Variants in PPP2R2B observed in about 807,000 individuals in gnomAD.
PPP2R2B encodes protein phosphatase 2 regulatory subunit Bbeta.
Under a neutral mutation model 46.0 loss-of-function variants are expected in PPP2R2B, and 5 were observed. The ratio of observed to expected loss-of-function variants is 0.11; its 90% CI spans 0.06 to 0.23. The LOEUF (loss-of-function observed/expected upper bound fraction) is 0.23, where lower values mean the gene tolerates loss of function less well. PPP2R2B is among the 10% of genes least tolerant of loss of function. PPP2R2B has a pLI of 1.00. For synonymous variants in PPP2R2B, 215 were observed against 206.7 expected, an observed-to-expected ratio of 1.04 and a Z score of -0.34; for missense variants, 367 against 575.0, an observed-to-expected ratio of 0.64 and a Z score of 3.70.
intron 1 of PPP2R2B, among the ~76,000 whole-genome samples, chr5:146,943,258 GA>G (rs1764378942): frequency 6.6e-6 from 1 of 152,094 alleles, no homozygotes; most frequent in Non-Finnish European, 1.5e-5. Flanking sequence ...CATTGTTTGG[GA>G]ATGTGAATGG....
At position 146,692,679 on chromosome 5, in the gene PPP2R2B, A is replaced by C. The variant is rs529009499; in HGVS notation, c.335-1439T>G. ...CTCCTGAGTAGGTGGGACTACAGGC[A>C]CCCACCACCACGCCCGGCTAATTTT... On this transcript the variant is annotated intron_variant, in intron 4 of 9. Coordinates refer to ENST00000394411, the MANE Select transcript of PPP2R2B (RefSeq NM_181675.4). 7.9e-5 allele frequency among the ~76,000 whole-genome samples: 12 copies of C among 151,756 alleles called. No homozygotes were observed. In the South Asian group the frequency reaches 2.5e-3, roughly 32 times the overall value.
At chr5:146,814,839 G>A (rs774043384) in intron 2 of PPP2R2B, among the ~76,000 whole-genome samples, 16 of 152,276 alleles carry the variant, frequency 1.1e-4, no homozygotes, top group South Asian at 4.1e-4. Context: ...GTCAAACTGC[G>A]CACTTGATCT....
chr5:146,895,942 A>G (rs1582379160), intron 1 of PPP2R2B, among the ~76,000 whole-genome samples: 1 of 152,282 alleles, frequency 6.6e-6, no homozygotes, highest in East Asian at 1.9e-4. Flanking sequence ...ATTCTTCAAT[A>G]AGAAATTATG....
At chr5:146,942,923 G>A (rs948478236) in intron 1 of PPP2R2B, among the ~76,000 whole-genome samples, 1 of 151,492 alleles carries the variant, frequency 6.6e-6, no homozygotes, top group African/African-American at 2.4e-5. Context: ...TCAGTCTCCC[G>A]AGTAGCTGGG....
chr5:147,005,114 G>T (rs1368094314), intron 1 of PPP2R2B, among the ~76,000 whole-genome samples: 1 of 152,134 alleles, frequency 6.6e-6, no homozygotes, highest in Non-Finnish European at 1.5e-5. Context: ...CCTCAACCCT[G>T]CCACTTTTCT....
chr5:146,722,699 G>GC (rs1297934897), intron 2 of PPP2R2B, among the ~76,000 whole-genome samples: 2 of 152,166 alleles, frequency 1.3e-5, no homozygotes, highest in African/African-American at 4.8e-5. Flanking sequence ...TAATGAAAAA[G>GC]CCTGCAATGC....
At chr5:146,742,497 C>T (rs1752937593) in intron 2 of PPP2R2B, among the ~76,000 whole-genome samples, 1 of 152,144 alleles carries the variant, frequency 6.6e-6, no homozygotes, top group Non-Finnish European at 1.5e-5. Flanking sequence ...TGAAGATATT[C>T]ACACTATGCA....
intron 5 of PPP2R2B, among the ~76,000 whole-genome samples, chr5:146,676,363 T>C (rs1352191479): frequency 1.3e-5 from 2 of 152,122 alleles, no homozygotes; most frequent in Admixed American, 1.3e-4. Flanking sequence ...GGCCATAAGC[T>C]GCCTCACCAC....
rs925151951 is a variant in PPP2R2B, at chr5:146,588,121, C to T, written c.*1826G>A. ...GAAATCTTGCCCAGAGAGTTTACAC[C>T]TTAGCCACTTTACTTGAGATGCCTA... On this transcript the variant is annotated 3_prime_UTR_variant, in exon 10 of 10. Coordinates refer to ENST00000394411, the MANE Select transcript of PPP2R2B (RefSeq NM_181675.4). 6.6e-6 allele frequency: 1 copy of T among 152,196 alleles called. No individual in the cohort carries two copies. Among genetic ancestry groups the T allele is most frequent in the South Asian group, 2.1e-4 (1 of 4,830 alleles). 9.4% of individuals were successfully genotyped at this position (152,196 alleles called of 1,614,324 possible). A position where few individuals can be genotyped will look rare whatever the true frequency, so the allele number is the denominator to read the frequency against.
At chr5:146,926,247 T>A (rs1324090185) in intron 1 of PPP2R2B, among the ~76,000 whole-genome samples, 1 of 152,172 alleles carries the variant, frequency 6.6e-6, no homozygotes, top group African/African-American at 2.4e-5. Flanking sequence ...TTCTGATATT[T>A]TTTTTCCCTT....
At chr5:146,592,031 A>G in intron 9 of PPP2R2B, 2 of 370,266 alleles carry the variant, frequency 5.4e-6, no homozygotes, top group South Asian at 2.1e-5. Flanking sequence ...AAATAATAAT[A>G]TATGAATAAA....
chr5:146,710,515 C>A (rs1311029213), intron 2 of PPP2R2B, among the ~76,000 whole-genome samples: 1 of 152,194 alleles, frequency 6.6e-6, no homozygotes, highest in South Asian at 2.1e-4. Context: ...GCCTAAAGGG[C>A]AAAGGAGTCT....
intron 2 of PPP2R2B, among the ~76,000 whole-genome samples, chr5:146,854,472 G>A (rs1207663379): frequency 1.3e-5 from 2 of 152,026 alleles, no homozygotes; most frequent in African/African-American, 4.8e-5. Context: ...GCAATACATT[G>A]TTGCTAACTA....
chr5:146,597,254 A>G (rs384427), intron 8 of PPP2R2B, among the ~76,000 whole-genome samples: 114,348 of 151,948 alleles, frequency 0.75, 43,525 homozygotes, highest in African/African-American at 0.86. Context: ...TCTCTCTTAC[A>G]TGGTCTCATC....
intron 1 of PPP2R2B, among the ~76,000 whole-genome samples, chr5:147,042,789 AAGT>A (rs2151897813): frequency 6.6e-6 from 1 of 152,256 alleles, no homozygotes; most frequent in African/African-American, 2.4e-5. Flanking sequence ...TTTTCAGACA[AAGT>A]AGGCAGGAAG....
chr5:146,893,595 G>A (rs535670797), intron 1 of PPP2R2B, among the ~76,000 whole-genome samples: 1 of 152,030 alleles, frequency 6.6e-6, no homozygotes, highest in Non-Finnish European at 1.5e-5. Context: ...TCAGGTGGGC[G>A]GATCATTTGA....
intron 2 of PPP2R2B, among the ~76,000 whole-genome samples, chr5:146,747,337 C>T (rs570136197): frequency 6.6e-6 from 1 of 152,312 alleles, no homozygotes; most frequent in Admixed American, 6.5e-5. Context: ...GTCTACTTTG[C>T]TTTGCTCTGG....
At chr5:146,783,750 G>A (rs1358395380) in intron 2 of PPP2R2B, among the ~76,000 whole-genome samples, 3 of 152,182 alleles carry the variant, frequency 2.0e-5, no homozygotes, top group Non-Finnish European at 4.4e-5. Context: ...AATTTCCCAT[G>A]AACCAGAAAT....
chr5:146,593,123 A>G, intron 8 of PPP2R2B, 61 bp from the exon 9 acceptor site: 1 of 1,313,504 alleles, frequency 7.6e-7, no homozygotes. Flanking sequence ...ATTTCTGCAA[A>G]CACCTCCTCT....
Sources: allele counts gnomAD v4.1 joint callset (sites outside exome capture counted in the v4.1 genomes callset), GRCh38; gene constraint gnomAD v4.1.1; transcripts MANE v1.5; gene names NCBI Gene and HGNC (gene_info 2026-07-23, HGNC 2026-07-21).